The following MAF variants were observed in gnomAD, a reference collection of about 807,000 sequenced individuals.
MAF encodes transcription factor Maf.
In MAF, 10 loss-of-function variants were observed where a neutral mutation model predicts 22.0. The observed-to-expected ratio is 0.45, with a 90% confidence interval of 0.28 to 0.77. MAF has a LOEUF of 0.77. Ranked by LOEUF, MAF falls within the 30% of genes least tolerant of loss-of-function variation. The pLI is 0.12. For synonymous variants in MAF, 337 were observed against 255.8 expected, an observed-to-expected ratio of 1.32 and a Z score of -3.03; for missense variants, 544 against 548.4, an observed-to-expected ratio of 0.99 and a Z score of 0.08.
chr16:79,203,494 T>C, the MAF span: 10 of 139,624 alleles, frequency 7.2e-5, no homozygotes, highest in African/African-American at 2.5e-4. Flanking sequence ...GGAGACCTTG[T>C]GTTTTTTTTT....
chr16:79,260,463 C>CTATCTATCTATATCTATATCTA, the MAF span, among the ~76,000 whole-genome samples: 1 of 145,412 alleles, frequency 6.9e-6, no homozygotes, highest in Admixed American at 6.9e-5. Flanking sequence ...ATGTATCTAT[C>CTATCTATCTATATCTATATCTA]TATCTATATC....
chr16:79,520,511 G>A, the MAF span, among the ~76,000 whole-genome samples: 11 of 152,142 alleles, frequency 7.2e-5, no homozygotes, highest in South Asian at 2.1e-4. Flanking sequence ...GCTTGCATGC[G>A]TCCCCCAGGG....
chr16:79,597,309 T>G, intron 1 of MAF: 1 of 1,041,152 alleles, frequency 9.6e-7, no homozygotes, highest in Admixed American at 5.5e-5. Context: ...AATTAAATTA[T>G]ATACTAGAAA....
the MAF span, among the ~76,000 whole-genome samples, chr16:79,220,984 G>C: frequency 0.12 from 18,754 of 152,164 alleles, 1,960 homozygotes; most frequent in African/African-American, 0.29. Flanking sequence ...AAGAGGACAG[G>C]AGCATTGTGT....
chr16:79,269,060 T>C, the MAF span, among the ~76,000 whole-genome samples: 1 of 152,214 alleles, frequency 6.6e-6, no homozygotes, highest in East Asian at 1.9e-4. Context: ...TGGCCAAATC[T>C]TTATGGAAAG....
the MAF span, among the ~76,000 whole-genome samples, chr16:79,400,665 C>T: frequency 2.0e-5 from 3 of 152,210 alleles, no homozygotes; most frequent in African/African-American, 7.2e-5. Context: ...TCTGACTATT[C>T]CAGACCACTC....
the MAF span, among the ~76,000 whole-genome samples, chr16:79,237,543 A>G: frequency 6.6e-6 from 1 of 152,200 alleles, no homozygotes; most frequent in East Asian, 1.9e-4. Flanking sequence ...AGGGTGATTC[A>G]CTTTCACACA....
the MAF span, among the ~76,000 whole-genome samples, chr16:79,243,719 G>T: frequency 9.6e-4 from 146 of 152,082 alleles, no homozygotes; most frequent in African/African-American, 3.4e-3. Flanking sequence ...CATTTTATGA[G>T]GCCAGCATCA....
chr16:79,268,555 C>T, the MAF span, among the ~76,000 whole-genome samples: 6 of 152,176 alleles, frequency 3.9e-5, no homozygotes, highest in Middle Eastern at 0.01. Context: ...TTTCTGTAGT[C>T]GAACTAGGAC....
At chr16:79,211,555 C>G in the MAF span, 1 of 1,612,054 alleles carries the variant, frequency 6.2e-7, no homozygotes, top group Non-Finnish European at 8.5e-7. Context: ...ATGACGCCAT[C>G]TCATCACTCC....
At chr16:79,532,819 G>A in the MAF span, among the ~76,000 whole-genome samples, 1 of 152,154 alleles carries the variant, frequency 6.6e-6, no homozygotes. Flanking sequence ...CTTTGAAGGA[G>A]CACATGGACC....
At chr16:79,341,977 A>G in the MAF span, among the ~76,000 whole-genome samples, 2 of 152,244 alleles carry the variant, frequency 1.3e-5, no homozygotes, top group African/African-American at 2.4e-5. Context: ...TGCTGCTACA[A>G]CTATTATGAA....
the MAF span, among the ~76,000 whole-genome samples, chr16:79,257,712 G>A: frequency 6.6e-6 from 1 of 152,198 alleles, no homozygotes; most frequent in African/African-American, 2.4e-5. Flanking sequence ...CATGTAATTT[G>A]TGTGCAGGAT....
the MAF span, among the ~76,000 whole-genome samples, chr16:79,215,180 G>T: frequency 6.6e-6 from 1 of 152,204 alleles, no homozygotes; most frequent in Admixed American, 6.5e-5. Flanking sequence ...AGGTCATGCA[G>T]ATTGCCTGCA....
the MAF span, among the ~76,000 whole-genome samples, chr16:79,559,468 C>T: frequency 6.6e-6 from 1 of 152,120 alleles, no homozygotes; most frequent in Admixed American, 6.6e-5. Flanking sequence ...CAGGTTCCTC[C>T]CCAAGAGGCG....
the MAF span, among the ~76,000 whole-genome samples, chr16:79,554,730 C>T: frequency 3.3e-5 from 5 of 152,132 alleles, no homozygotes; most frequent in Non-Finnish European, 7.3e-5. Flanking sequence ...AAATGACCTT[C>T]GGGGAAGCTC....
At chr16:79,444,873 A>G in the MAF span, among the ~76,000 whole-genome samples, 9 of 152,292 alleles carry the variant, frequency 5.9e-5, no homozygotes, top group South Asian at 1.7e-3. Context: ...ATTGCATTGC[A>G]TGGGCCAAGA....
the MAF span, among the ~76,000 whole-genome samples, chr16:79,322,424 T>C: frequency 5.3e-5 from 8 of 152,096 alleles, no homozygotes; most frequent in African/African-American, 1.9e-4. Context: ...TTGATTATGC[T>C]TGTGATTTGA....
chr16:79,507,902 A>G, the MAF span, among the ~76,000 whole-genome samples: 59 of 152,106 alleles, frequency 3.9e-4, no homozygotes, highest in Admixed American at 1.5e-3. Flanking sequence ...CCTAATTGTT[A>G]TTACCTGAAA....
Sources: allele counts gnomAD v4.1 joint callset (sites outside exome capture counted in the v4.1 genomes callset), GRCh38; gene constraint gnomAD v4.1.1; transcripts MANE v1.5; gene names NCBI Gene and HGNC (gene_info 2026-07-23, HGNC 2026-07-21).